The following SLC49A4 variants were observed in gnomAD, a reference collection of about 807,000 sequenced individuals.
SLC49A4 encodes the protein solute carrier family 49 member 4.
SLC49A4 carries 36 observed loss-of-function variants against 50.6 expected under a neutral mutation model. The ratio of observed to expected loss-of-function variants is 0.71; its 90% CI spans 0.55 to 0.94. The LOEUF (loss-of-function observed/expected upper bound fraction) is 0.94. SLC49A4 is among the 40% of genes least tolerant of loss of function. SLC49A4 has a pLI of 0.00. For missense variants in SLC49A4, 503 were observed against 605.7 expected, an observed-to-expected ratio of 0.83 and a Z score of 1.78; for synonymous variants, 248 against 241.2, an observed-to-expected ratio of 1.03 and a Z score of -0.26.
chr3:122,846,350 A>G (rs940801748), intron 5 of SLC49A4, among the ~76,000 whole-genome samples: 1 of 152,128 alleles, frequency 6.6e-6, no homozygotes, highest in Non-Finnish European at 1.5e-5. Flanking sequence ...AAAGGAGGAG[A>G]GAGAAATTTT....
intron 6 of SLC49A4, 27 bp from the exon 7 acceptor site, chr3:122,860,048 G>C: frequency 1.3e-6 from 2 of 1,587,412 alleles, no homozygotes; most frequent in Non-Finnish European, 1.7e-6. Context: ...AATCCCACTA[G>C]AATTAATAGA....
At chr3:122,845,273 G>A (rs563334796) in intron 4 of SLC49A4, among the ~76,000 whole-genome samples, 82 of 152,206 alleles carry the variant, frequency 5.4e-4, no homozygotes, top group African/African-American at 1.9e-3. Context: ...TGCTCCATCC[G>A]TGTTGCTGCA....
At chr3:122,812,570 T>C (rs927536066) in intron 2 of SLC49A4, among the ~76,000 whole-genome samples, 21 of 152,354 alleles carry the variant, frequency 1.4e-4, no homozygotes, top group Admixed American at 3.3e-4. Context: ...ACCCTGAGAA[T>C]GAGCAGTTTT....
chr3:122,862,659 A>G (rs1273911147), intron 7 of SLC49A4, among the ~76,000 whole-genome samples: 1 of 152,194 alleles, frequency 6.6e-6, no homozygotes, highest in Non-Finnish European at 1.5e-5. Flanking sequence ...CTGTATGTCA[A>G]GTTAGCATCT....
At chr3:122,877,360 C>G (rs902830678) in intron 8 of SLC49A4, among the ~76,000 whole-genome samples, 1 of 152,142 alleles carries the variant, frequency 6.6e-6, no homozygotes, top group African/African-American at 2.4e-5. Flanking sequence ...GAGAGAGGCA[C>G]ACAGTAAAAA....
At chr3:122,804,021 T>G (rs997576671) in intron 1 of SLC49A4, among the ~76,000 whole-genome samples, 1 of 152,186 alleles carries the variant, frequency 6.6e-6, no homozygotes, top group Admixed American at 6.5e-5. Context: ...GTTCCTACAT[T>G]GCTATAAAGA....
intron 5 of SLC49A4, among the ~76,000 whole-genome samples, chr3:122,847,899 C>T (rs1262402582): frequency 4.6e-5 from 7 of 152,174 alleles, no homozygotes; most frequent in African/African-American, 1.7e-4. Context: ...ACTGTGTCAT[C>T]CTGTATAGTA....
chr3:122,846,930 C>T (rs1336150753), intron 5 of SLC49A4, among the ~76,000 whole-genome samples: 1 of 152,184 alleles, frequency 6.6e-6, no homozygotes, highest in Admixed American at 6.5e-5. Flanking sequence ...TAATCTTTGG[C>T]TGAGAAATGG....
chr3:122,876,373 T>C (rs1485797936), intron 8 of SLC49A4, among the ~76,000 whole-genome samples: 2 of 152,334 alleles, frequency 1.3e-5, no homozygotes, highest in East Asian at 3.9e-4. Flanking sequence ...TGAGGCTGTG[T>C]TGTCACTCAA....
At position 122,880,882 on chromosome 3, in the gene SLC49A4, C is replaced by G. The variant is rs1009489754; in HGVS notation, c.*1504C>G. On this transcript the variant is annotated 3_prime_UTR_variant, in exon 9 of 9. Transcript: ENST00000261038. ...TACAAGGCTGTGCATTAACTCACCTCGGTCCTAGAGGAGTATCCTAGTACT... is the reference window on the plus strand; with the variant it reads ...TACAAGGCTGTGCATTAACTCACCTGGGTCCTAGAGGAGTATCCTAGTACT... 1 of 152,206 alleles carries G rather than the reference C, an allele frequency of 6.6e-6. No homozygotes were observed. The highest frequency in any genetic ancestry group is 1.5e-5 in the Non-Finnish European group (1 of 68,076). 9.4% of individuals were successfully genotyped at this position (152,206 alleles called of 1,614,324 possible). A position where few individuals can be genotyped will look rare whatever the true frequency, so the allele number is the denominator to read the frequency against.
chr3:122,815,845 A>G (rs916973527), intron 2 of SLC49A4, among the ~76,000 whole-genome samples: 2 of 152,194 alleles, frequency 1.3e-5, no homozygotes, highest in Non-Finnish European at 1.5e-5. Context: ...TTTCTGCTTG[A>G]TGCTGATTTG....
intron 2 of SLC49A4, among the ~76,000 whole-genome samples, chr3:122,824,960 T>TG (rs1164201395): frequency 6.6e-6 from 1 of 152,036 alleles, no homozygotes. Context: ...CTTGAACTCC[T>TG]GGCCTCAAGT....
intron 5 of SLC49A4, among the ~76,000 whole-genome samples, chr3:122,851,818 T>A (rs1278480309): frequency 6.6e-6 from 1 of 152,128 alleles, no homozygotes; most frequent in Non-Finnish European, 1.5e-5. Flanking sequence ...GCCTTTCTTT[T>A]CTTCTCCCAC....
chr3:122,808,378 G>A (rs1446163936), intron 2 of SLC49A4, among the ~76,000 whole-genome samples: 1 of 152,178 alleles, frequency 6.6e-6, no homozygotes, highest in Non-Finnish European at 1.5e-5. Context: ...ATTTCAGAAA[G>A]AAAAACCTAA....
intron 2 of SLC49A4, among the ~76,000 whole-genome samples, chr3:122,810,408 G>A (rs544280222): frequency 6.6e-6 from 1 of 151,998 alleles, no homozygotes; most frequent in Non-Finnish European, 1.5e-5. Context: ...CAAAAAAATT[G>A]TAAAAGCCAT....
chr3:122,827,457 G>A (rs1381993081), intron 3 of SLC49A4, among the ~76,000 whole-genome samples: 1 of 152,154 alleles, frequency 6.6e-6, no homozygotes, highest in Non-Finnish European at 1.5e-5. Flanking sequence ...TTTCTCCCTT[G>A]TAGTTTCTCC....
intron 2 of SLC49A4, among the ~76,000 whole-genome samples, chr3:122,813,430 A>G (rs1265754527): frequency 2.6e-5 from 4 of 152,074 alleles, no homozygotes; most frequent in Non-Finnish European, 5.9e-5. Flanking sequence ...TATACAACAT[A>G]CATGTGTATC....
intron 5 of SLC49A4, among the ~76,000 whole-genome samples, chr3:122,852,757 A>T (rs1936942039): frequency 1.3e-5 from 2 of 152,086 alleles, no homozygotes; most frequent in Admixed American, 1.3e-4. Context: ...CCCTAAACTC[A>T]TATTTTTTCT....
chr3:122,798,302 A>T (rs1936076915), intron 1 of SLC49A4, among the ~76,000 whole-genome samples: 1 of 151,796 alleles, frequency 6.6e-6, no homozygotes, highest in South Asian at 2.1e-4. Context: ...TTTTTATGGT[A>T]GAAAAATGTT....
Sources: gnomAD v4.1 joint callset for allele counts (sites outside exome capture counted in the v4.1 genomes callset) on GRCh38, gnomAD v4.1.1 for gene constraint, MANE v1.5 for transcripts, NCBI Gene and HGNC (gene_info 2026-07-23, HGNC 2026-07-21) for gene names.